The following CERS6 variants were observed in gnomAD, a reference collection of about 807,000 sequenced individuals.
The protein encoded by CERS6 is ceramide synthase 6, also known as LAG1 homolog, ceramide synthase 6.
CERS6 carries 26 observed loss-of-function variants against 56.8 expected under a neutral mutation model. That is an observed-to-expected ratio of 0.46 (90% CI 0.34 to 0.63). The LOEUF (loss-of-function observed/expected upper bound fraction) is 0.63, where lower values mean the gene tolerates loss of function less well. Among genes scored for constraint, CERS6 ranks in the 30% least tolerant of loss-of-function variants. CERS6 has a pLI of 0.01. For missense variants in CERS6, 415 were observed against 467.5 expected (o/e 0.89, Z 1.04); for synonymous variants, 164 against 173.3 (o/e 0.95, Z 0.42).
intron 4 of CERS6, among the ~76,000 whole-genome samples, chr2:168,681,447 G>T (rs1223353075): frequency 6.6e-6 from 1 of 152,062 alleles, no homozygotes; most frequent in Non-Finnish European, 1.5e-5. Context: ...CACTATTAAC[G>T]TTGTTTATAA....
At position 168,663,203 on chromosome 2, in the gene CERS6, A is replaced by AT. The variant is rs139812696; in HGVS notation, c.466-27824dup. ...CCATCCAGTTAAACACAGTGTATGT[A>AT]TTTTTTTCTTTTTCCAAACTTAAAA... On this transcript the variant is annotated intron_variant, in intron 4 of 9. Coordinates refer to ENST00000305747, the MANE Select transcript of CERS6 (RefSeq NM_203463.3). Among the ~76,000 whole-genome samples, 921 of 152,200 alleles carry AT rather than the reference A, an allele frequency of 6.1e-3. 8 individuals carry two copies. Among genetic ancestry groups the AT allele is most frequent in the African/African-American group, 0.021 (873 of 41,542 alleles).
At chr2:168,623,256 G>T (rs114752178) in intron 3 of CERS6, among the ~76,000 whole-genome samples, 1 of 152,058 alleles carries the variant, frequency 6.6e-6, no homozygotes, top group Non-Finnish European at 1.5e-5. Context: ...GGATAGGAGT[G>T]GGGGAAAGAG....
intron 5 of CERS6, among the ~76,000 whole-genome samples, chr2:168,693,524 C>T (rs1159161136): frequency 3.9e-5 from 6 of 152,090 alleles, no homozygotes; most frequent in Non-Finnish European, 2.9e-5. Flanking sequence ...ATTTTCTAAA[C>T]TTCATTTCAG....
chr2:168,699,257 T>C (rs912854437), intron 6 of CERS6, among the ~76,000 whole-genome samples: 21 of 152,172 alleles, frequency 1.4e-4, no homozygotes, highest in African/African-American at 5.1e-4. Context: ...AACTATTAAC[T>C]GAACCCTCTA....
chr2:168,516,972 G>A (rs1381611081), intron 1 of CERS6, among the ~76,000 whole-genome samples: 1 of 151,986 alleles, frequency 6.6e-6, no homozygotes, highest in Non-Finnish European at 1.5e-5. Context: ...ATACATTGAG[G>A]CTTTCTCCTC....
chr2:168,550,665 G>T (rs1169512349), intron 2 of CERS6, among the ~76,000 whole-genome samples: 3 of 152,182 alleles, frequency 2.0e-5, no homozygotes, highest in Admixed American at 1.3e-4. Context: ...GGTCAGGGGA[G>T]CAGAGAAATA....
intron 3 of CERS6, among the ~76,000 whole-genome samples, chr2:168,625,577 AC>A (rs1684571990): frequency 6.6e-6 from 1 of 152,128 alleles, no homozygotes; most frequent in Non-Finnish European, 1.5e-5. Flanking sequence ...TCTACTTGGA[AC>A]TCACAAGCAA....
At chr2:168,755,974 G>T (rs1366051678) in intron 8 of CERS6, among the ~76,000 whole-genome samples, 3 of 152,206 alleles carry the variant, frequency 2.0e-5, no homozygotes, top group African/African-American at 7.2e-5. Context: ...AAGGGAAGGG[G>T]AAAAGGAGAA....
At chr2:168,593,890 C>T (rs1683733901) in intron 3 of CERS6, among the ~76,000 whole-genome samples, 1 of 152,196 alleles carries the variant, frequency 6.6e-6, no homozygotes, top group Non-Finnish European at 1.5e-5. Context: ...GCCAGGCAAA[C>T]TTGAACCAGC....
intron 1 of CERS6, among the ~76,000 whole-genome samples, chr2:168,492,255 A>G (rs574677330): frequency 3.3e-5 from 5 of 152,300 alleles, no homozygotes; most frequent in East Asian, 1.9e-4. Context: ...AAGCATTCCT[A>G]TTCGTCCACA....
At chr2:168,660,072 C>T (rs1685589494) in intron 4 of CERS6, among the ~76,000 whole-genome samples, 1 of 152,122 alleles carries the variant, frequency 6.6e-6, no homozygotes, top group Non-Finnish European at 1.5e-5. Context: ...CCTTAAGTGA[C>T]TGTGGAATAT....
At chr2:168,683,346 A>T (rs924409972) in intron 4 of CERS6, among the ~76,000 whole-genome samples, 1 of 152,204 alleles carries the variant, frequency 6.6e-6, no homozygotes, top group Non-Finnish European at 1.5e-5. Flanking sequence ...TAATTTTTAC[A>T]TGTGCTTTTG....
chr2:168,699,617 T>C (rs554312339), intron 6 of CERS6, among the ~76,000 whole-genome samples: 82 of 152,330 alleles, frequency 5.4e-4, no homozygotes, highest in African/African-American at 1.9e-3. Context: ...ATTGCTGTAT[T>C]TCCATATAGA....
intron 1 of CERS6, among the ~76,000 whole-genome samples, chr2:168,526,867 G>A (rs1444580343): frequency 1.3e-5 from 2 of 152,196 alleles, no homozygotes; most frequent in Non-Finnish European, 2.9e-5. Context: ...AACAAATTCT[G>A]TATTAGCCTG....
Position 168,579,782 on chromosome 2 carries a change from C to G in CERS6, c.407+18460C>G, listed in dbSNP as rs1242539860. ...GTCCAGATCTGGGCTGTGGACCTGC[C>G]TGACTTCATCTCTCCCAGCTCCTCT... On this transcript the variant is annotated intron_variant, in intron 3 of 9. Coordinates refer to ENST00000305747, the MANE Select transcript of CERS6 (RefSeq NM_203463.3). Among the ~76,000 whole-genome samples the G allele has an allele frequency of 2.0e-5, 3 of 152,166 alleles. No individual in the cohort carries two copies. In the East Asian group the frequency reaches 5.8e-4, roughly 29 times the overall value.
chr2:168,491,498 A>T (rs993671389), intron 1 of CERS6, among the ~76,000 whole-genome samples: 1 of 151,740 alleles, frequency 6.6e-6, no homozygotes, highest in Non-Finnish European at 1.5e-5. Flanking sequence ...TTTTTTTTTC[A>T]ATAATGAAAG....
intron 2 of CERS6, among the ~76,000 whole-genome samples, chr2:168,558,450 A>G (rs911499894): frequency 1.3e-5 from 2 of 152,238 alleles, no homozygotes; most frequent in African/African-American, 2.4e-5. Flanking sequence ...AAATATTGCA[A>G]TATACATTGT....
chr2:168,636,847 A>G (rs1017727901), intron 4 of CERS6, among the ~76,000 whole-genome samples: 2 of 152,110 alleles, frequency 1.3e-5, no homozygotes, highest in Admixed American at 1.3e-4. Flanking sequence ...GGGCATTCCA[A>G]GGCCAGTGAG....
chr2:168,687,627 T>C (rs551119915), intron 4 of CERS6, among the ~76,000 whole-genome samples: 1 of 152,358 alleles, frequency 6.6e-6, no homozygotes, highest in East Asian at 1.9e-4. Context: ...TAAAATACTT[T>C]AAATCTGTGA....
Sources: gnomAD v4.1 joint callset for allele counts (sites outside exome capture counted in the v4.1 genomes callset) on GRCh38, gnomAD v4.1.1 for gene constraint, MANE v1.5 for transcripts, NCBI Gene and HGNC (gene_info 2026-07-23, HGNC 2026-07-21) for gene names.